Variants in PPP1R13B observed in about 807,000 individuals in gnomAD.
PPP1R13B encodes the protein apoptosis-stimulating of p53 protein 1.
Under a neutral mutation model 119.8 loss-of-function variants are expected in PPP1R13B, and 44 were observed. The observed-to-expected ratio is 0.37, with a 90% CI of 0.29 to 0.47. The LOEUF is 0.47. Ranked by LOEUF, PPP1R13B falls within the 20% of genes least tolerant of loss-of-function variation. The pLI is 0.99. For synonymous variants in PPP1R13B, 542 were observed against 561.5 expected (o/e 0.97, Z 0.49); for missense variants, 1,227 against 1,413.5 (o/e 0.87, Z 2.12).
At chr14:103,816,950 T>C (rs751573123) in intron 1 of PPP1R13B, among the ~76,000 whole-genome samples, 23 of 152,226 alleles carry the variant, frequency 1.5e-4, no homozygotes, top group Non-Finnish European at 2.8e-4. Flanking sequence ...CCCATCTTTT[T>C]ACAAATGACT....
intron 11 of PPP1R13B, among the ~76,000 whole-genome samples, chr14:103,741,121 G>A (rs1211578857): frequency 6.6e-6 from 1 of 152,338 alleles, no homozygotes; most frequent in African/African-American, 2.4e-5. Context: ...GAAGTGACTA[G>A]GCACGTCCAG....
intron 1 of PPP1R13B, among the ~76,000 whole-genome samples, chr14:103,809,595 C>A (rs534920354): frequency 1.3e-5 from 2 of 151,988 alleles, no homozygotes; most frequent in Middle Eastern, 3.4e-3. Flanking sequence ...TTGAGGTGGG[C>A]AGGCTGCTCG....
chr14:103,829,371 G>A (rs1340915154), intron 1 of PPP1R13B, among the ~76,000 whole-genome samples: 2 of 152,060 alleles, frequency 1.3e-5, no homozygotes, highest in African/African-American at 4.8e-5. Context: ...AATCTCTAAA[G>A]CAAGAATGTC....
At chr14:103,825,111 T>G (rs1396560843) in intron 1 of PPP1R13B, among the ~76,000 whole-genome samples, 1 of 152,214 alleles carries the variant, frequency 6.6e-6, no homozygotes, top group Non-Finnish European at 1.5e-5. Flanking sequence ...CAGTGGTCTT[T>G]AACGTTACTA....
At chr14:103,750,094 A>T (rs1315483853) in intron 7 of PPP1R13B, among the ~76,000 whole-genome samples, 160 bp from the exon 8 acceptor site, 2 of 152,258 alleles carry the variant, frequency 1.3e-5, no homozygotes, top group Non-Finnish European at 2.9e-5. Flanking sequence ...TACAGCAGAG[A>T]TAAGCCAGGA....
chr14:103,750,005 T>A, intron 7 of PPP1R13B, 71 bp from the exon 8 acceptor site: 2 of 1,530,808 alleles, frequency 1.3e-6, no homozygotes, highest in Admixed American at 2.0e-5. Flanking sequence ...CCAGGGAGAT[T>A]AAAAAAGAAA....
chr14:103,818,656 G>A (rs1395065801), intron 1 of PPP1R13B, among the ~76,000 whole-genome samples: 4 of 152,108 alleles, frequency 2.6e-5, no homozygotes, highest in Admixed American at 1.3e-4. Context: ...CAGGGGTCAC[G>A]CTTATTTTAC....
At chr14:103,832,843 G>T (rs1356196993) in intron 1 of PPP1R13B, among the ~76,000 whole-genome samples, 1 of 152,136 alleles carries the variant, frequency 6.6e-6, no homozygotes, top group Non-Finnish European at 1.5e-5. Context: ...TTAGCTGGGT[G>T]TGGTGATGGG....
At chr14:103,754,806 G>C (rs545631680) in intron 5 of PPP1R13B, among the ~76,000 whole-genome samples, 1 of 151,204 alleles carries the variant, frequency 6.6e-6, no homozygotes. Flanking sequence ...TTGAGACGGA[G>C]TCTCGCTCTG....
At chr14:103,827,242 A>C (rs1449160341) in intron 1 of PPP1R13B, among the ~76,000 whole-genome samples, 1 of 152,064 alleles carries the variant, frequency 6.6e-6, no homozygotes, top group East Asian at 1.9e-4. Context: ...AGGCTGAGGC[A>C]GGAGAATGGT....
chr14:103,825,451 A>G (rs1485950615), intron 1 of PPP1R13B, among the ~76,000 whole-genome samples: 1 of 152,226 alleles, frequency 6.6e-6, no homozygotes, highest in Non-Finnish European at 1.5e-5. Context: ...TGCAAAGGAA[A>G]ACTTCCTAAA....
intron 1 of PPP1R13B, among the ~76,000 whole-genome samples, chr14:103,812,737 G>A (rs1331928954): frequency 6.6e-6 from 1 of 152,168 alleles, no homozygotes; most frequent in African/African-American, 2.4e-5. Context: ...TTTTTAATGG[G>A]CAAATGATCT....
At chr14:103,785,004 A>G in intron 2 of PPP1R13B, 90 bp from the exon 3 acceptor site, 2 of 1,168,170 alleles carry the variant, frequency 1.7e-6, no homozygotes, top group Admixed American at 2.2e-5. Flanking sequence ...GAATGTATAT[A>G]TGCACACATG....
intron 3 of PPP1R13B, among the ~76,000 whole-genome samples, chr14:103,784,324 T>A (rs1595767225): frequency 6.6e-6 from 1 of 152,118 alleles, no homozygotes; most frequent in African/African-American, 2.4e-5. Context: ...GGCTGACACC[T>A]ATAATCCCAG....
chr14:103,825,767 G>A (rs970682171), intron 1 of PPP1R13B, among the ~76,000 whole-genome samples: 12 of 152,072 alleles, frequency 7.9e-5, no homozygotes, highest in African/African-American at 2.9e-4. Context: ...GCTGCAGCAA[G>A]TTATCCAGAA....
intron 3 of PPP1R13B, among the ~76,000 whole-genome samples, chr14:103,780,311 C>T (rs537894944): frequency 6.6e-6 from 1 of 151,190 alleles, no homozygotes; most frequent in African/African-American, 2.4e-5. Context: ...CAGCGTGAAA[C>T]CCTATCTTTA....
chr14:103,848,305 G>T (rs971828226), upstream of PPP1R13B: 21 of 985,330 alleles, frequency 2.1e-5, no homozygotes, highest in Non-Finnish European at 2.5e-5. Flanking sequence ...CAGCTCCAGC[G>T]TCCCCGGGGA....
intron 2 of PPP1R13B, among the ~76,000 whole-genome samples, chr14:103,796,155 T>C (rs1210596642): frequency 6.6e-6 from 1 of 152,002 alleles, no homozygotes; most frequent in African/African-American, 2.4e-5. Context: ...TGGTGGTGCA[T>C]GCCTGTAGTC....
rs1014282874 is a variant in PPP1R13B at position 103,847,554 on chromosome 14, C to G, written c.-247G>C. On this transcript the variant is annotated 5_prime_UTR_variant, in exon 1 of 17. Transcript: ENST00000202556. ...CCGCCGCCTCAACCTCAGCCTCAGC[C>G]TCAGCCCCAGCCCGACAGCCTGCGG... 1.0e-6 allele frequency: 1 copy of G among 986,896 alleles called. No homozygotes were observed. Among genetic ancestry groups the G allele is most frequent in the East Asian group, 1.1e-4 (1 of 8,790 alleles). 61.1% of individuals were successfully genotyped at this position (986,896 alleles called of 1,614,324 possible).
Sources: allele counts gnomAD v4.1 joint callset (sites outside exome capture counted in the v4.1 genomes callset), GRCh38; gene constraint gnomAD v4.1.1; transcripts MANE v1.5; gene names NCBI Gene and HGNC (gene_info 2026-07-23, HGNC 2026-07-21).